EPHB1: variants seen among roughly 807,000 people sequenced by gnomAD.
EPHB1 encodes the protein EPH receptor B1, also known as ephrin type-B receptor 1.
In EPHB1, 30 loss-of-function variants were observed where a neutral mutation model predicts 94.4. That is an observed-to-expected ratio of 0.32 (90% CI 0.24 to 0.43). The LOEUF is 0.43. Ranked by LOEUF, EPHB1 falls within the 20% of genes least tolerant of loss-of-function variation. The pLI is 1.00. For synonymous variants in EPHB1, 522 were observed against 489.1 expected, an observed-to-expected ratio of 1.07 and a Z score of -0.89; for missense variants, 1,055 against 1,308.3, an observed-to-expected ratio of 0.81 and a Z score of 2.99.
intron 1 of EPHB1, among the ~76,000 whole-genome samples, chr3:134,907,141 G>A (rs765572816): frequency 6.6e-6 from 1 of 152,146 alleles, no homozygotes; most frequent in Non-Finnish European, 1.5e-5. Context: ...TCAAATTAAC[G>A]TGGGAAACAG....
At chr3:134,854,232 T>A (rs1014668040) in intron 1 of EPHB1, among the ~76,000 whole-genome samples, 1 of 152,178 alleles carries the variant, frequency 6.6e-6, no homozygotes, top group Admixed American at 6.5e-5. Flanking sequence ...TGAACAAATG[T>A]CTGCCGGAGT....
chr3:135,054,040 TACACAC>T (rs1553727022), intron 3 of EPHB1, among the ~76,000 whole-genome samples: 10 of 139,870 alleles, frequency 7.1e-5, no homozygotes, highest in East Asian at 2.0e-4. Flanking sequence ...TATATATATA[TACACAC>T]ACACACACAC....
chr3:135,043,277 GTAATAA>G, intron 3 of EPHB1, among the ~76,000 whole-genome samples: 1 of 149,800 alleles, frequency 6.7e-6, no homozygotes, highest in East Asian at 1.9e-4. Flanking sequence ...AATAATAATA[GTAATAA>G]TAATAATAAT....
At chr3:134,971,818 T>A (rs1006296821) in intron 3 of EPHB1, among the ~76,000 whole-genome samples, 7 of 152,210 alleles carry the variant, frequency 4.6e-5, no homozygotes, top group African/African-American at 1.7e-4. Flanking sequence ...AGCAAACTCA[T>A]GTTGTCTTCT....
intron 1 of EPHB1, among the ~76,000 whole-genome samples, chr3:134,862,470 T>C (rs1206370049): frequency 1.4e-5 from 2 of 146,578 alleles, no homozygotes; most frequent in Non-Finnish European, 3.0e-5. Flanking sequence ...CAAGCTATTA[T>C]TCCTCATTTT....
intron 3 of EPHB1, among the ~76,000 whole-genome samples, chr3:135,042,063 A>G (rs1475281877): frequency 6.6e-6 from 1 of 152,196 alleles, no homozygotes; most frequent in African/African-American, 2.4e-5. Context: ...TGAGTAGCTG[A>G]GACTACAGGC....
chr3:134,982,880 G>T lies in EPHB1; in HGVS notation c.805+30828G>T, dbSNP rs185389785. Among the ~76,000 whole-genome samples, 122 of 151,946 alleles carry T rather than the reference G, an allele frequency of 8.0e-4. 1 individual carries two copies. Among genetic ancestry groups the T allele is most frequent in the South Asian group, 2.9e-3 (14 of 4,812 alleles). The stretch of plus-strand genomic sequence containing the variant: ...CCTCTGGCCTGTGCAGTTAAATAAT[G>T]GTTTACATCGGGGATCAACAACAGT... On this transcript the variant is annotated intron_variant, in intron 3 of 15. Coordinates refer to ENST00000398015, the MANE Select transcript of EPHB1 (RefSeq NM_004441.5).
chr3:135,046,845 G>T (rs1426434942), intron 3 of EPHB1, among the ~76,000 whole-genome samples: 3 of 152,176 alleles, frequency 2.0e-5, no homozygotes, highest in Non-Finnish European at 4.4e-5. Flanking sequence ...CACATAAAAT[G>T]CTTAGTGACA....
intron 4 of EPHB1, among the ~76,000 whole-genome samples, chr3:135,108,709 C>T (rs1939319952): frequency 6.6e-6 from 1 of 152,208 alleles, no homozygotes; most frequent in Non-Finnish European, 1.5e-5. Flanking sequence ...TCCCTTCTTC[C>T]TTCTTTTCTC....
intron 2 of EPHB1, among the ~76,000 whole-genome samples, chr3:134,940,127 AG>A (rs527900697): frequency 2.8e-4 from 42 of 149,216 alleles, no homozygotes; most frequent in Middle Eastern, 6.8e-3. Context: ...GAGGGAGTTT[AG>A]CCTTTTAGTT....
chr3:134,930,724 G>A (rs9829521), intron 2 of EPHB1, among the ~76,000 whole-genome samples: 26,302 of 152,198 alleles, frequency 0.17, 2,895 homozygotes, highest in Middle Eastern at 0.3. Flanking sequence ...TCCCTACTCT[G>A]TTCCTTCTTC....
intron 1 of EPHB1, among the ~76,000 whole-genome samples, chr3:134,815,058 T>C (rs2036243737): frequency 6.6e-6 from 1 of 152,208 alleles, no homozygotes; most frequent in East Asian, 1.9e-4. Flanking sequence ...AAAAGAGCTA[T>C]CCTAGATTAA....
intron 1 of EPHB1, among the ~76,000 whole-genome samples, chr3:134,859,295 A>G (rs910837969): frequency 6.6e-6 from 1 of 152,170 alleles, no homozygotes; most frequent in Admixed American, 6.5e-5. Context: ...GTTCCTTGCA[A>G]ACATGATCTC....
intron 5 of EPHB1, among the ~76,000 whole-genome samples, chr3:135,144,704 A>G (rs1224365672): frequency 2.6e-5 from 4 of 152,034 alleles, no homozygotes; most frequent in Non-Finnish European, 5.9e-5. Context: ...TGGATGGACC[A>G]GTGAAGGAGG....
chr3:135,217,347 G>T (rs1943170468), intron 12 of EPHB1, among the ~76,000 whole-genome samples: 1 of 151,404 alleles, frequency 6.6e-6, no homozygotes, highest in Non-Finnish European at 1.5e-5. Flanking sequence ...AATGGTTAGG[G>T]TTAGGGGAAC....
At chr3:135,093,548 T>C (rs1188422196) in intron 3 of EPHB1, among the ~76,000 whole-genome samples, 1 of 152,146 alleles carries the variant, frequency 6.6e-6, no homozygotes, top group Admixed American at 6.5e-5. Flanking sequence ...TGAAACCCTG[T>C]CTCTACTAAA....
At chr3:134,972,260 A>G (rs182198149) in intron 3 of EPHB1, among the ~76,000 whole-genome samples, 145 of 151,560 alleles carry the variant, frequency 9.6e-4, no homozygotes, top group African/African-American at 3.1e-3. Flanking sequence ...CTATGAGTCA[A>G]TGCTGCATGT....
chr3:135,241,578 A>C (rs982186736), intron 13 of EPHB1, among the ~76,000 whole-genome samples: 1 of 152,200 alleles, frequency 6.6e-6, no homozygotes, highest in African/African-American at 2.4e-5. Flanking sequence ...GCTGAGGACC[A>C]TGAATAGATC....
In EPHB1 at chr3:134,975,100, T is replaced by C. The variant is rs144018158; in HGVS notation, c.805+23048T>C. On this transcript the variant is annotated intron_variant, in intron 3 of 15. Transcript: ENST00000398015. The stretch of plus-strand genomic sequence containing the variant: ...GATTTGGAGTTTCAAAAAGCCGGCA[T>C]TGATTTTTCTGGGAGACTTTTCATG... 1.1e-4 allele frequency among the ~76,000 whole-genome samples: 16 copies of C among 152,270 alleles called. No homozygotes were observed. In the East Asian group the frequency reaches 3.1e-3, roughly 29 times the overall value.
Sources: gnomAD v4.1 joint callset for allele counts (sites outside exome capture counted in the v4.1 genomes callset) on GRCh38, gnomAD v4.1.1 for gene constraint, MANE v1.5 for transcripts, NCBI Gene and HGNC (gene_info 2026-07-23, HGNC 2026-07-21) for gene names.